The following WIPF2 variants were observed in gnomAD, a reference collection of about 807,000 sequenced individuals.
WIPF2 encodes WAS/WASL interacting protein family member 2.
WIPF2 carries 23 observed loss-of-function variants against 38.8 expected under a neutral mutation model. The observed-to-expected ratio is 0.59, with a 90% CI of 0.43 to 0.84. The LOEUF (loss-of-function observed/expected upper bound fraction) is 0.84. WIPF2 is among the 40% of genes least tolerant of loss of function. The pLI is 0.00. For missense variants in WIPF2, 574 were observed against 580.5 expected (o/e 0.99, Z 0.11); for synonymous variants, 210 against 223.2 (o/e 0.94, Z 0.53).
intron 1 of WIPF2, among the ~76,000 whole-genome samples, chr17:40,242,773 T>C (rs1028664771): frequency 7.2e-5 from 11 of 152,200 alleles, no homozygotes; most frequent in African/African-American, 2.7e-4. Context: ...CATTGATTAT[T>C]GGTCACTGGC....
In WIPF2 at chr17:40,260,833, G is replaced by A. The variant is rs960882960; in HGVS notation, c.196+166G>A. 18 of 926,582 alleles carry A rather than the reference G, an allele frequency of 1.9e-5. No individual in the cohort carries two copies. In the African/African-American group the frequency reaches 2.8e-4, roughly 14 times the overall value. The allele number at this position is 926,582 out of a possible 1,614,324, so 57.4% of individuals were successfully genotyped here. A position where few individuals can be genotyped will look rare whatever the true frequency, so the allele number is the denominator to read the frequency against. Reference sequence around the variant, plus strand: ...TTCTGAACCTTAGAAGTTTCTTCTTGACTCTTGGAGAGCATCTCAGGATTA... The same window carrying A: ...TTCTGAACCTTAGAAGTTTCTTCTTAACTCTTGGAGAGCATCTCAGGATTA... On this transcript the variant is annotated intron_variant, in intron 3 of 7. Transcript: ENST00000323571.
At chr17:40,238,890 C>T (rs1173531749) in intron 1 of WIPF2, among the ~76,000 whole-genome samples, 2 of 151,776 alleles carry the variant, frequency 1.3e-5, no homozygotes, top group African/African-American at 4.8e-5. Context: ...GGATTACAGA[C>T]GTGAGCCACC....
intron 1 of WIPF2, among the ~76,000 whole-genome samples, chr17:40,244,033 AG>A (rs1190937562): frequency 6.6e-6 from 1 of 152,210 alleles, no homozygotes; most frequent in Non-Finnish European, 1.5e-5. Context: ...TTGAATTTCA[AG>A]AAGTGGTGGC....
chr17:40,243,976 C>T (rs1474814294), intron 1 of WIPF2, among the ~76,000 whole-genome samples: 1 of 151,890 alleles, frequency 6.6e-6, no homozygotes, highest in Non-Finnish European at 1.5e-5. Context: ...TAATTAATTC[C>T]ATCTCTACAT....
intron 6 of WIPF2, among the ~76,000 whole-genome samples, chr17:40,275,260 A>C (rs1169357933): frequency 1.5e-4 from 23 of 151,396 alleles, no homozygotes; most frequent in Admixed American, 1.5e-3. Context: ...AAAAAAAAAA[A>C]ACAAAACCCA....
chr17:40,256,099 A>C (rs1412731734), intron 1 of WIPF2, among the ~76,000 whole-genome samples: 3 of 148,166 alleles, frequency 2.0e-5, no homozygotes, highest in African/African-American at 7.4e-5. Context: ...GGGTCTTTAA[A>C]AAAAAAAAAA....
intron 2 of WIPF2, among the ~76,000 whole-genome samples, chr17:40,258,926 G>A (rs573415772): frequency 6.9e-6 from 1 of 145,232 alleles, no homozygotes; most frequent in East Asian, 2.1e-4. Context: ...GACTACATGT[G>A]CATGACACTG....
At chr17:40,247,947 CA>C (rs1339247804) in intron 1 of WIPF2, among the ~76,000 whole-genome samples, 1 of 152,102 alleles carries the variant, frequency 6.6e-6, no homozygotes, top group Non-Finnish European at 1.5e-5. Flanking sequence ...CCTACCCATT[CA>C]ATTTTTACTT....
At chr17:40,245,444 G>C (rs2031333213) in intron 1 of WIPF2, among the ~76,000 whole-genome samples, 2 of 151,850 alleles carry the variant, frequency 1.3e-5, no homozygotes. Flanking sequence ...CCGGGTTCAA[G>C]TGATTCTCCT....
chr17:40,276,718 G>T (rs2032413027), intron 6 of WIPF2, among the ~76,000 whole-genome samples: 1 of 151,840 alleles, frequency 6.6e-6, no homozygotes, highest in Admixed American at 6.6e-5. Context: ...TTTGAGACTA[G>T]CCTGGCCAAG....
At chr17:40,229,001 T>C (rs1438518385) in intron 1 of WIPF2, among the ~76,000 whole-genome samples, 2 of 151,880 alleles carry the variant, frequency 1.3e-5, no homozygotes, top group Admixed American at 6.6e-5. Context: ...CCTCCTGGGC[T>C]CAAGTGATTC....
At chr17:40,220,597 A>ATATATATATATATATATG (rs2030165234) in intron 1 of WIPF2, 1 of 79,504 alleles carries the variant, frequency 1.3e-5, no homozygotes, top group African/African-American at 5.7e-5. Context: ...ATATATATAT[A>ATATATATATATATATATG]TATATATATA....
intron 1 of WIPF2, among the ~76,000 whole-genome samples, chr17:40,234,299 C>T (rs545192049): frequency 6.6e-6 from 1 of 151,426 alleles, no homozygotes; most frequent in Non-Finnish European, 1.5e-5. Context: ...TCGGGAGGCG[C>T]ATGCCTGTAG....
Position 40,233,196 on chromosome 17 carries a change from A to T in WIPF2, c.-70+13704A>T, listed in dbSNP as rs972562897. Among the ~76,000 whole-genome samples, 4 of 152,088 alleles carry T rather than the reference A, an allele frequency of 2.6e-5. No individual in the cohort carries two copies. In the East Asian group the frequency reaches 7.7e-4, roughly 29 times the overall value. ...TTTTTTGTTTTGTTTGGGATTTTCTATTCTCCTTAACTGCATTGGTACCAG... is the reference window on the plus strand; with the variant it reads ...TTTTTTGTTTTGTTTGGGATTTTCTTTTCTCCTTAACTGCATTGGTACCAG... On this transcript the variant is annotated intron_variant, in intron 1 of 7. Coordinates refer to ENST00000323571, the MANE Select transcript of WIPF2 (RefSeq NM_133264.5).
chr17:40,237,541 C>T (rs2031023894), intron 1 of WIPF2, among the ~76,000 whole-genome samples: 1 of 151,982 alleles, frequency 6.6e-6, no homozygotes, highest in South Asian at 2.1e-4. Context: ...CACGCCCAAC[C>T]CTAATTTTTT....
At chr17:40,274,061 A>G (rs2032320020) in intron 6 of WIPF2, 62 bp downstream of exon 6, 2 of 1,381,252 alleles carry the variant, frequency 1.4e-6, no homozygotes, top group Middle Eastern at 1.9e-4. Flanking sequence ...CTCCAGTGCC[A>G]TGGCTGCTAG....
At position 40,283,252 on chromosome 17, in the gene WIPF2, A is replaced by AT. The variant is rs1567730051; in HGVS notation, c.*5029dup. On this transcript the variant is annotated 3_prime_UTR_variant, in exon 8 of 8. Transcript: ENST00000323571. ...TGATGGTCCTTATTTTATTATTATT[A>AT]TTATTTTTTTTTGAGACAGGATGTT... The AT allele has an allele frequency of 2.4e-5, 3 of 123,790 alleles. No homozygotes were observed. Among genetic ancestry groups the AT allele is most frequent in the African/African-American group, 9.3e-5 (3 of 32,328 alleles). The allele number at this position is 123,790 out of a possible 1,614,324, so 7.7% of individuals were successfully genotyped here.
At chr17:40,248,448 C>T (rs985064162) in intron 1 of WIPF2, among the ~76,000 whole-genome samples, 4 of 151,958 alleles carry the variant, frequency 2.6e-5, no homozygotes, top group African/African-American at 4.8e-5. Flanking sequence ...GGATTATAGG[C>T]GTCAGCCACT....
intron 1 of WIPF2, among the ~76,000 whole-genome samples, chr17:40,252,433 G>T (rs952409215): frequency 6.6e-6 from 1 of 152,132 alleles, no homozygotes; most frequent in Non-Finnish European, 1.5e-5. Flanking sequence ...GGTGGCCGAG[G>T]CGTGAGGATC....
Sources: gnomAD v4.1 joint callset for allele counts (sites outside exome capture counted in the v4.1 genomes callset) on GRCh38, gnomAD v4.1.1 for gene constraint, MANE v1.5 for transcripts, NCBI Gene and HGNC (gene_info 2026-07-23, HGNC 2026-07-21) for gene names.